The following UNC5A variants were observed in gnomAD, a reference collection of about 807,000 sequenced individuals.
The protein encoded by UNC5A is netrin receptor UNC5A.
UNC5A carries 20 observed loss-of-function variants against 87.4 expected under a neutral mutation model. The ratio of observed to expected loss-of-function variants is 0.23; its 90% CI spans 0.16 to 0.33. The LOEUF (loss-of-function observed/expected upper bound fraction) is 0.33. UNC5A is among the 10% of genes least tolerant of loss of function. The pLI is 1.00. For synonymous variants in UNC5A, 438 were observed against 482.3 expected (o/e 0.91, Z 1.20); for missense variants, 844 against 1,133.4 (o/e 0.74, Z 3.67).
intron 1 of UNC5A, among the ~76,000 whole-genome samples, chr5:176,836,938 C>G (rs917296533): frequency 6.6e-6 from 1 of 152,230 alleles, no homozygotes; most frequent in African/African-American, 2.4e-5. Context: ...GCATCTTCCT[C>G]TCTGATGTCA....
chr5:176,847,953 C>T (rs1043932735), intron 1 of UNC5A, among the ~76,000 whole-genome samples: 4 of 152,022 alleles, frequency 2.6e-5, no homozygotes, highest in Non-Finnish European at 4.4e-5. Context: ...GCAGGTGAGG[C>T]GGAGGCCCAG....
intron 1 of UNC5A, among the ~76,000 whole-genome samples, chr5:176,830,515 CAT>C (rs1491335848): frequency 3.8e-5 from 5 of 131,968 alleles, no homozygotes; most frequent in Admixed American, 7.9e-5. Flanking sequence ...TGTGTGCTGG[CAT>C]GTGTGTGTGT....
In UNC5A at chr5:176,880,225, G is replaced by A. The variant is rs971077285; in HGVS notation, c.*339G>A. ...CTCTCCAGGGGCCCCGCATACACAC[G>A]GCCATGCACGCACACACTGGGCCTG... On this transcript the variant is annotated 3_prime_UTR_variant, in exon 15 of 15. Transcript: ENST00000329542. 11 of 245,256 alleles carry A rather than the reference G, an allele frequency of 4.5e-5. No individual in the cohort carries two copies. Among genetic ancestry groups the A allele is most frequent in the Admixed American group, 1.5e-4 (3 of 19,376 alleles). The allele number at this position is 245,256 out of a possible 1,614,324, so 15.2% of individuals were successfully genotyped here. A position where few individuals can be genotyped will look rare whatever the true frequency, so the allele number is the denominator to read the frequency against.
chr5:176,830,752 GCTGGCGTGTGTGTAGGTGTGTGTGTA>G lies in UNC5A; in HGVS notation c.70+19946_70+19971del, dbSNP rs1427990027. On this transcript the variant is annotated intron_variant, in intron 1 of 14. Transcript: ENST00000329542. ...TGTGTGGGTGTGCTGGTGTGTGTGCGCTGGCGTGTGTGTAGGTGTGTGTGTACTGGCGTGTGTGTGCTGGCATGTGT... is the reference window on the plus strand; with the variant it reads ...TGTGTGGGTGTGCTGGTGTGTGTGCGCTGGCGTGTGTGTGCTGGCATGTGT... Among the ~76,000 whole-genome samples the G allele has an allele frequency of 3.4e-5, 5 of 147,182 alleles. No individual in the cohort carries two copies. In the East Asian group the frequency reaches 8.2e-4, roughly 24 times the overall value.
rs374784889 is a variant in UNC5A at position 176,876,455 on chromosome 5, G to C, written c.1379-737G>C. ...TCCTCATGTAAGGGCTCCCTGTCTG[G>C]GGGAGTCCCTGCTCACCACCTCTAG... is the stretch of plus-strand genomic sequence containing the variant. On this transcript the variant is annotated intron_variant, in intron 8 of 14. Coordinates refer to ENST00000329542, the MANE Select transcript of UNC5A (RefSeq NM_133369.3). Among the ~76,000 whole-genome samples, 466 of 152,278 alleles carry C rather than the reference G, an allele frequency of 3.1e-3. 3 individuals carry two copies. The highest frequency in any genetic ancestry group is 0.011 in the African/African-American group (450 of 41,556).
intron 1 of UNC5A, among the ~76,000 whole-genome samples, chr5:176,822,909 G>A (rs1352234576): frequency 3.3e-5 from 5 of 152,170 alleles, no homozygotes; most frequent in Admixed American, 6.5e-5. Context: ...GCCAGCAAGC[G>A]ACAGGGCTGT....
chr5:176,818,502 G>A (rs780509783), intron 1 of UNC5A, among the ~76,000 whole-genome samples: 5 of 152,176 alleles, frequency 3.3e-5, no homozygotes, highest in African/African-American at 9.7e-5. Flanking sequence ...TCTGGGCTCC[G>A]CCTACATCAT....
At chr5:176,839,195 C>T (rs1472560375) in intron 1 of UNC5A, among the ~76,000 whole-genome samples, 3 of 152,232 alleles carry the variant, frequency 2.0e-5, no homozygotes, top group African/African-American at 7.2e-5. Context: ...TCATGTCCAC[C>T]TTCTCTGACC....
In UNC5A at chr5:176,878,296, G is replaced by T. The variant is rs377319758; in HGVS notation, c.1922G>T (p.Arg641Leu). The change falls in exon 12 of 15, where the codon CGG (arginine) becomes CTG (leucine). Residue 641 changes from arginine (R) to leucine (L), a missense_variant. By Grantham distance (102) the Arg-to-Leu change is moderately radical. Coordinates refer to ENST00000329542, the MANE Select transcript of UNC5A (RefSeq NM_133369.3). ...GGGGGACAGCTGATCCAGGAGCCAC[G>T]GGTCCTGCACTTCAAGGACAGTTAC... is the stretch of plus-strand genomic sequence containing the variant. ...QLGGQLIQEP[R>L]VLHFKDSYHN... 1 of 1,613,168 alleles carries T rather than the reference G, an allele frequency of 6.2e-7. No individual in the cohort carries two copies. Among genetic ancestry groups the T allele is most frequent in the Non-Finnish European group, 8.5e-7 (1 of 1,180,006 alleles).
intron 2 of UNC5A, among the ~76,000 whole-genome samples, chr5:176,863,677 G>A (rs540953131): frequency 6.6e-6 from 1 of 150,884 alleles, no homozygotes; most frequent in South Asian, 2.1e-4. Flanking sequence ...GAAAGGACTG[G>A]CAGAGAGAGA....
At chr5:176,852,241 C>T (rs1190155824) in intron 1 of UNC5A, among the ~76,000 whole-genome samples, 1 of 152,106 alleles carries the variant, frequency 6.6e-6, no homozygotes, top group Non-Finnish European at 1.5e-5. Context: ...GGGAGGCTCA[C>T]ACACACTCAC....
chr5:176,866,448 A>G lies in UNC5A; in HGVS notation c.293-1682A>G, dbSNP rs1757976072. On this transcript the variant is annotated intron_variant, in intron 2 of 14. Transcript: ENST00000329542. The surrounding 1 kb of genome is among the most constrained non-coding windows in gnomAD (Gnocchi z 5.0). The stretch of plus-strand genomic sequence containing the variant: ...GGAGGGAAGGCAAAGGGAGAAGAAA[A>G]GGGAGCGCTTAAAGGTAGTGCTGTT... 6.6e-6 allele frequency among the ~76,000 whole-genome samples: 1 copy of G among 152,130 alleles called. No homozygotes were observed. The highest frequency in any genetic ancestry group is 2.1e-4 in the South Asian group (1 of 4,820).
Position 176,845,493 on chromosome 5 carries a change from G to A in UNC5A, c.71-17131G>A, listed in dbSNP as rs189648976. Among the ~76,000 whole-genome samples the A allele has an allele frequency of 2.6e-5, 4 of 152,374 alleles. No individual in the cohort carries two copies. The East Asian group carries it at 7.7e-4, about 29-fold the overall frequency. ...AGGCAGGGCGTTATGCACTGCACCT[G>A]TGCTTGCTGGCTTCCCCTGCTGGAC... On this transcript the variant is annotated intron_variant, in intron 1 of 14. Transcript: ENST00000329542.
chr5:176,869,312 G>C lies in UNC5A; in HGVS notation c.721+348G>C, dbSNP rs1443728369. ...GTCCAGGCACCCCCAGGAGCCAGCA[G>C]AGGGAGGGTGCGGGAGTCACCCCAG... is the stretch of plus-strand genomic sequence containing the variant. On this transcript the variant is annotated intron_variant, in intron 5 of 14. Coordinates refer to ENST00000329542, the MANE Select transcript of UNC5A (RefSeq NM_133369.3). The surrounding 1 kb of genome is among the most constrained non-coding windows in gnomAD (Gnocchi z 9.1). Among the ~76,000 whole-genome samples the C allele has an allele frequency of 6.6e-6, 1 of 152,158 alleles. No homozygotes were observed. The highest frequency in any genetic ancestry group is 1.5e-5 in the Non-Finnish European group (1 of 67,994).
intron 13 of UNC5A, 110 bp from the exon 14 acceptor site, chr5:176,879,200 A>G: frequency 7.5e-7 from 1 of 1,332,266 alleles, no homozygotes; most frequent in South Asian, 1.4e-5. Context: ...ACCAGTGCTC[A>G]TGCCGCCCCC....
In UNC5A at chr5:176,828,520, C is replaced by G. The variant is rs765273912; in HGVS notation, c.70+17700C>G. Among the ~76,000 whole-genome samples, 8 of 152,248 alleles carry G rather than the reference C, an allele frequency of 5.3e-5. No homozygotes were observed. In the East Asian group the frequency reaches 7.7e-4, roughly 15 times the overall value. On this transcript the variant is annotated intron_variant, in intron 1 of 14. Coordinates refer to ENST00000329542, the MANE Select transcript of UNC5A (RefSeq NM_133369.3). Reference sequence around the variant, plus strand: ...CGGAGGCCCAGAAGCCTCAGCCCCCCCATCTTCCCCTGGCTTCCCTGGGTT... The same window carrying G: ...CGGAGGCCCAGAAGCCTCAGCCCCCGCATCTTCCCCTGGCTTCCCTGGGTT...
intron 1 of UNC5A, among the ~76,000 whole-genome samples, chr5:176,822,544 C>T (rs1215112776): frequency 1.3e-5 from 2 of 152,188 alleles, no homozygotes; most frequent in Non-Finnish European, 2.9e-5. Flanking sequence ...GAGTAGGACT[C>T]CTGACACCTG....
At chr5:176,858,553 G>A (rs1757720570) in intron 1 of UNC5A, among the ~76,000 whole-genome samples, 1 of 152,160 alleles carries the variant, frequency 6.6e-6, no homozygotes, top group South Asian at 2.1e-4. Context: ...ATGGAAATGG[G>A]AGAAACAGAC....
chr5:176,879,882 G>A lies in UNC5A; in HGVS notation c.2525G>A (p.Cys842Tyr). 1 of 1,592,708 alleles carries A rather than the reference G, an allele frequency of 6.3e-7. No individual in the cohort carries two copies. The highest frequency in any genetic ancestry group is 8.6e-7 in the Non-Finnish European group (1 of 1,169,468). Residue 842 changes from cysteine (C) to tyrosine (Y), a missense_variant, in exon 15 of 15, where the codon TGC becomes TAC. Physicochemically the swap from Cys to Tyr is radical, Grantham distance 194. Transcript: ENST00000329542. ...AGLFTVSEAE[C>Y] Reference sequence around the variant, plus strand: ...CTCTTCACAGTGTCGGAGGCTGAGTGCTGAGGCCGGCCAGGCCCGACACCT... The same window carrying A: ...CTCTTCACAGTGTCGGAGGCTGAGTACTGAGGCCGGCCAGGCCCGACACCT...
Sources: gnomAD v4.1 joint callset for allele counts (sites outside exome capture counted in the v4.1 genomes callset) on GRCh38, gnomAD v4.1.1 for gene constraint, Gnocchi (gnomAD v3.1) non-coding constraint, MANE v1.5 for transcripts, NCBI Gene and HGNC (gene_info 2026-07-23, HGNC 2026-07-21) for gene names.